The following CDH4 variants were observed in gnomAD, a reference collection of about 807,000 sequenced individuals.
The protein encoded by CDH4 is cadherin 4.
A neutral mutation model predicts 86.0 loss-of-function variants in CDH4; 33 were observed. The ratio of observed to expected loss-of-function variants is 0.38; its 90% CI spans 0.29 to 0.51. CDH4 has a LOEUF of 0.51. CDH4 is among the 20% of genes least tolerant of loss of function. CDH4 has a pLI of 0.86. For synonymous variants in CDH4, 555 were observed against 549.4 expected (o/e 1.01, Z -0.14); for missense variants, 1,114 against 1,307.4 (o/e 0.85, Z 2.28).
rs946568799 is a variant in CDH4 at position 61,517,591 on chromosome 20, C to G, written c.170-225972C>G. 2.6e-5 allele frequency among the ~76,000 whole-genome samples: 4 copies of G among 152,122 alleles called. No homozygotes were observed. Among genetic ancestry groups the G allele is most frequent in the African/African-American group, 9.7e-5 (4 of 41,420 alleles). ...AAGCACAATTCCTGCCTTCTTCACT[C>G]CTGACCTTGGAACTTGGCGGGTGGC... On this transcript the variant is annotated intron_variant, in intron 2 of 15. Transcript: ENST00000614565. The surrounding 1 kb of genome is among the most constrained non-coding windows in gnomAD (Gnocchi z 6.6).
chr20:61,356,267 C>T (rs1021560291), intron 2 of CDH4, among the ~76,000 whole-genome samples: 19 of 152,110 alleles, frequency 1.2e-4, no homozygotes, highest in African/African-American at 4.3e-4. Context: ...TGGAAGGCAC[C>T]GCAGCTGGAC....
chr20:61,756,007 G>C (rs2088560681), intron 3 of CDH4, among the ~76,000 whole-genome samples: 1 of 152,238 alleles, frequency 6.6e-6, no homozygotes, highest in Non-Finnish European at 1.5e-5. Context: ...ACCACGCCCA[G>C]CCCGTGCCCC....
At chr20:61,275,261 T>TG (rs2084222538) in intron 2 of CDH4, among the ~76,000 whole-genome samples, 1 of 114,248 alleles carries the variant, frequency 8.8e-6, no homozygotes, top group East Asian at 2.6e-4. Flanking sequence ...GTGTGCAGTT[T>TG]GGGGGAGCAC....
chr20:61,751,793 C>T (rs925111371), intron 3 of CDH4, among the ~76,000 whole-genome samples: 1 of 152,180 alleles, frequency 6.6e-6, no homozygotes, highest in Non-Finnish European at 1.5e-5. Context: ...TCTACAGAAA[C>T]AACAGAGGAA....
chr20:61,852,031 TC>T (rs1186236251), intron 5 of CDH4, among the ~76,000 whole-genome samples: 1 of 152,180 alleles, frequency 6.6e-6, no homozygotes, highest in African/African-American at 2.4e-5. Context: ...TGCGGAACCT[TC>T]CAGCCCAGAT....
At chr20:61,893,973 A>G (rs1392513101) in intron 7 of CDH4, among the ~76,000 whole-genome samples, 1 of 152,128 alleles carries the variant, frequency 6.6e-6, no homozygotes, top group Non-Finnish European at 1.5e-5. Context: ...TCACACCGCT[A>G]GGAGCTGGTC....
intron 2 of CDH4, among the ~76,000 whole-genome samples, chr20:61,673,252 G>GC (rs777675526): frequency 6.6e-5 from 10 of 152,210 alleles, no homozygotes; most frequent in Non-Finnish European, 1.5e-4. Flanking sequence ...TATCATCAGA[G>GC]CAGCCCTAGG....
intron 5 of CDH4, among the ~76,000 whole-genome samples, chr20:61,851,362 T>C (rs1479326796): frequency 6.6e-6 from 1 of 152,126 alleles, no homozygotes; most frequent in African/African-American, 2.4e-5. Context: ...ACCAAAACAC[T>C]GGTATAGGCA....
At chr20:61,730,677 C>T (rs2088168639) in intron 2 of CDH4, among the ~76,000 whole-genome samples, 1 of 152,220 alleles carries the variant, frequency 6.6e-6, no homozygotes, top group Non-Finnish European at 1.5e-5. Flanking sequence ...GTTTCAGGCC[C>T]TGCCTGTGCT....
intron 4 of CDH4, among the ~76,000 whole-genome samples, chr20:61,774,964 T>C (rs7272294): frequency 0.52 from 79,589 of 151,986 alleles, 21,030 homozygotes; most frequent in East Asian, 0.71. Context: ...TTTGCTGTTG[T>C]GAATAGCGCT....
In CDH4 at chr20:61,623,505, C is replaced by A. The variant is rs1012947029; in HGVS notation, c.170-120058C>A. On this transcript the variant is annotated intron_variant, in intron 2 of 15. Coordinates refer to ENST00000614565, the MANE Select transcript of CDH4 (RefSeq NM_001794.5). The surrounding 1 kb of genome is among the most constrained non-coding windows in gnomAD (Gnocchi z 4.4). Reference sequence around the variant, plus strand: ...ATTACAATGAAAACAATTTCAAGAGCAAATTGAATACCTAAAAAAGTATAA... The same window carrying A: ...ATTACAATGAAAACAATTTCAAGAGAAAATTGAATACCTAAAAAAGTATAA... Among the ~76,000 whole-genome samples the A allele has an allele frequency of 4.6e-5, 7 of 152,156 alleles. No individual in the cohort carries two copies. In the East Asian group the frequency reaches 1.2e-3, roughly 25 times the overall value.
intron 2 of CDH4, among the ~76,000 whole-genome samples, chr20:61,361,956 A>G (rs1313926666): frequency 2.0e-5 from 3 of 152,218 alleles, no homozygotes; most frequent in African/African-American, 7.2e-5. Flanking sequence ...TAAGCCAGGC[A>G]TCTGCCATCC....
intron 4 of CDH4, among the ~76,000 whole-genome samples, chr20:61,839,826 G>T (rs556612592): frequency 2.6e-5 from 4 of 151,726 alleles, no homozygotes; most frequent in Non-Finnish European, 4.4e-5. Flanking sequence ...TGTGTTGTGT[G>T]TCTGTGTGTA....
At chr20:61,262,531 T>C (rs557319222) in intron 2 of CDH4, among the ~76,000 whole-genome samples, 65 of 152,334 alleles carry the variant, frequency 4.3e-4, no homozygotes, top group African/African-American at 1.5e-3. Flanking sequence ...CCAAGACCTG[T>C]GGCTTCTTTG....
intron 2 of CDH4, among the ~76,000 whole-genome samples, chr20:61,537,182 T>A (rs547609151): frequency 3.3e-5 from 5 of 152,354 alleles, no homozygotes; most frequent in African/African-American, 1.2e-4. Context: ...CCCCCTGAGC[T>A]ATCTGCTGCT....
At chr20:61,485,561 G>A (rs1257059738) in intron 2 of CDH4, among the ~76,000 whole-genome samples, 1 of 152,224 alleles carries the variant, frequency 6.6e-6, no homozygotes, top group East Asian at 1.9e-4. Flanking sequence ...TCTGCCAGAC[G>A]AGGCCCAGGT....
Position 61,789,549 on chromosome 20 carries a change from GT to G in CDH4, c.576+16370del, listed in dbSNP as rs529506362. On this transcript the variant is annotated intron_variant, in intron 4 of 15. Transcript: ENST00000614565. Reference sequence around the variant, plus strand: ...CCAGTGGATCTTATCTGATCTAGTGGTTTCAGGAATTTTCTACACACATAAG... The same window carrying G: ...CCAGTGGATCTTATCTGATCTAGTGGTTCAGGAATTTTCTACACACATAAG... Among the ~76,000 whole-genome samples the G allele has an allele frequency of 5.3e-5, 8 of 152,316 alleles. No individual in the cohort carries two copies. In the South Asian group the frequency reaches 1.7e-3, roughly 32 times the overall value.
At chr20:61,793,066 G>A (rs1300920799) in intron 4 of CDH4, among the ~76,000 whole-genome samples, 1 of 152,102 alleles carries the variant, frequency 6.6e-6, no homozygotes. Flanking sequence ...GGGTTCCAGT[G>A]ATTCTCCTGC....
intron 2 of CDH4, among the ~76,000 whole-genome samples, chr20:61,293,285 G>A (rs2084333630): frequency 6.6e-6 from 1 of 152,224 alleles, no homozygotes; most frequent in Non-Finnish European, 1.5e-5. Context: ...GTGGATGAGA[G>A]TGGTCTCACA....
Sources: allele counts gnomAD v4.1 joint callset (sites outside exome capture counted in the v4.1 genomes callset), GRCh38; gene constraint gnomAD v4.1.1; non-coding constraint Gnocchi (gnomAD v3.1); transcripts MANE v1.5; gene names NCBI Gene and HGNC (gene_info 2026-07-23, HGNC 2026-07-21).